Variants in LYPLAL1 observed in about 807,000 individuals in gnomAD.
The protein encoded by LYPLAL1 is lysophospholipase-like protein 1.
In LYPLAL1, 23 loss-of-function variants were observed where a neutral mutation model predicts 19.7. The ratio of observed to expected loss-of-function variants is 1.17; its 90% CI spans 0.84 to 1.65. The LOEUF (loss-of-function observed/expected upper bound fraction) is 1.65. LYPLAL1 is among the 40% of genes most tolerant of loss of function. The pLI, the probability that LYPLAL1 is intolerant of heterozygous loss-of-function variation, is 0.00. For synonymous variants in LYPLAL1, 119 were observed against 96.3 expected (o/e 1.24, Z -1.38); for missense variants, 355 against 279.4 (o/e 1.27, Z -1.93).
At chr1:219,416,870 C>T in the LYPLAL1 span, among the ~76,000 whole-genome samples, 16 of 152,164 alleles carry the variant, frequency 1.1e-4, no homozygotes, top group Admixed American at 2.6e-4. Flanking sequence ...CTATTTTGGT[C>T]CACAAGGTTG....
chr1:219,299,265 A>G, the LYPLAL1 span, among the ~76,000 whole-genome samples: 7 of 152,060 alleles, frequency 4.6e-5, no homozygotes, highest in African/African-American at 7.2e-5. Flanking sequence ...CAGATAACCA[A>G]TTGGAAGCAG....
the LYPLAL1 span, among the ~76,000 whole-genome samples, chr1:219,370,645 CTG>C: frequency 1.3e-5 from 2 of 152,202 alleles, no homozygotes; most frequent in African/African-American, 4.8e-5. Flanking sequence ...TGGGGCCAGA[CTG>C]TGAAAAGTCT....
the LYPLAL1 span, among the ~76,000 whole-genome samples, chr1:219,325,356 C>T: frequency 2.0e-5 from 3 of 152,260 alleles, no homozygotes; most frequent in South Asian, 2.1e-4. Context: ...ATTGTTAAGT[C>T]GTAGCTCCTG....
the LYPLAL1 span, among the ~76,000 whole-genome samples, chr1:219,444,763 T>G: frequency 1.3e-5 from 2 of 152,218 alleles, no homozygotes; most frequent in Non-Finnish European, 2.9e-5. Context: ...GAGTCTTTGA[T>G]GATGTTAAAC....
chr1:219,305,503 G>T, the LYPLAL1 span, among the ~76,000 whole-genome samples: 20 of 152,272 alleles, frequency 1.3e-4, 1 homozygote, highest in South Asian at 2.3e-3. Flanking sequence ...CACAAAATTG[G>T]ATGATACTTC....
At chr1:219,335,321 T>A in the LYPLAL1 span, among the ~76,000 whole-genome samples, 1 of 151,938 alleles carries the variant, frequency 6.6e-6, no homozygotes, top group South Asian at 2.1e-4. Context: ...GAATTACTTA[T>A]TAAGTTAACT....
the LYPLAL1 span, among the ~76,000 whole-genome samples, chr1:219,358,060 G>A: frequency 1.4e-4 from 22 of 152,216 alleles, no homozygotes; most frequent in South Asian, 4.1e-4. Flanking sequence ...AGTATTCTGC[G>A]TCATACTTTA....
chr1:219,217,944 A>G, the LYPLAL1 span, among the ~76,000 whole-genome samples: 12 of 152,148 alleles, frequency 7.9e-5, no homozygotes, highest in Middle Eastern at 3.4e-3. Context: ...GCAAAGGAGG[A>G]GAGAGACACA....
chr1:219,276,790 G>A, the LYPLAL1 span, among the ~76,000 whole-genome samples: 13 of 152,240 alleles, frequency 8.5e-5, no homozygotes, highest in South Asian at 4.2e-4. Flanking sequence ...GGAGAAGTAC[G>A]GAGGAAATTC....
At chr1:219,362,228 A>T in the LYPLAL1 span, among the ~76,000 whole-genome samples, 106 of 152,272 alleles carry the variant, frequency 7.0e-4, no homozygotes, top group Non-Finnish European at 1.2e-3. Flanking sequence ...GATGAAAATG[A>T]TATAGACATT....
At chr1:219,307,599 A>G in the LYPLAL1 span, among the ~76,000 whole-genome samples, 2 of 152,240 alleles carry the variant, frequency 1.3e-5, no homozygotes, top group East Asian at 3.8e-4. Flanking sequence ...ATACATGTCA[A>G]TAACATCTGA....
Position 219,210,606 on chromosome 1 carries a change from G to T in LYPLAL1, c.436G>T (p.Ala146Ser), listed in dbSNP as rs751325777. Residue 146 changes from alanine (A) to serine (S), a missense_variant, in exon 4 of 5, where the codon GCT becomes TCT. Transcript: ENST00000366928. ...RNHQDVAGVF[A>S]LSSFLNKASA... The stretch of plus-strand genomic sequence containing the variant: ...TCATCAAGATGTGGCAGGAGTATTT[G>T]CTCTTTCTAGTTTTCTGAATAAAGC... The T allele has an allele frequency of 1.2e-6, 2 of 1,610,052 alleles. No individual in the cohort carries two copies. Among genetic ancestry groups the T allele is most frequent in the Admixed American group, 3.3e-5 (2 of 59,850 alleles).
chr1:219,386,648 T>G, the LYPLAL1 span, among the ~76,000 whole-genome samples: 2 of 152,168 alleles, frequency 1.3e-5, no homozygotes, highest in African/African-American at 4.8e-5. Flanking sequence ...AATTAAAAAT[T>G]GTACCCAGAT....
At chr1:219,374,877 C>T in the LYPLAL1 span, among the ~76,000 whole-genome samples, 1 of 152,184 alleles carries the variant, frequency 6.6e-6, no homozygotes, top group Non-Finnish European at 1.5e-5. Flanking sequence ...CAACAATCTC[C>T]ATGATTCAGC....
At chr1:219,316,959 C>T in the LYPLAL1 span, among the ~76,000 whole-genome samples, 52,237 of 151,856 alleles carry the variant, frequency 0.34, 9,861 homozygotes, top group East Asian at 0.81. Context: ...AAAAGTATTA[C>T]GGAAATGGTA....
At chr1:219,280,278 A>T in the LYPLAL1 span, among the ~76,000 whole-genome samples, 1 of 152,314 alleles carries the variant, frequency 6.6e-6, no homozygotes, top group Non-Finnish European at 1.5e-5. Flanking sequence ...CGTATTATAT[A>T]AAGTTTTTTG....
the LYPLAL1 span, among the ~76,000 whole-genome samples, chr1:219,343,703 G>A: frequency 6.6e-6 from 1 of 152,078 alleles, no homozygotes; most frequent in Admixed American, 6.6e-5. Context: ...AATTTAGGTG[G>A]CTTATTTCAT....
the LYPLAL1 span, among the ~76,000 whole-genome samples, chr1:219,408,373 T>G: frequency 6.6e-6 from 1 of 152,060 alleles, no homozygotes; most frequent in Non-Finnish European, 1.5e-5. Flanking sequence ...CTTTTAAAAT[T>G]TGGATGCTGG....
the LYPLAL1 span, among the ~76,000 whole-genome samples, chr1:219,307,881 A>G: frequency 6.6e-6 from 1 of 152,166 alleles, no homozygotes. Context: ...AATGATTCTG[A>G]GGCTCCCCAG....
Sources: allele counts gnomAD v4.1 joint callset (sites outside exome capture counted in the v4.1 genomes callset), GRCh38; gene constraint gnomAD v4.1.1; transcripts MANE v1.5; gene names NCBI Gene and HGNC (gene_info 2026-07-23, HGNC 2026-07-21).